Variants in LRP2 observed in about 807,000 individuals in gnomAD.
LRP2 encodes low-density lipoprotein receptor-related protein 2.
A neutral mutation model predicts 531.0 loss-of-function variants in LRP2; 172 were observed. The ratio of observed to expected loss-of-function variants is 0.32; its 90% CI spans 0.29 to 0.37. LRP2 has a LOEUF of 0.37. LRP2 is among the 10% of genes least tolerant of loss of function. The probability of loss-of-function intolerance (pLI) is 1.00; values close to 1 mark genes in which losing one functional copy is unlikely to be tolerated. For synonymous variants in LRP2, 1,992 were observed against 2,027.6 expected, an observed-to-expected ratio of 0.98 and a Z score of 0.47; for missense variants, 5,167 against 5,868.3, an observed-to-expected ratio of 0.88 and a Z score of 3.90.
rs764997073 is a variant in LRP2 at position 169,241,064 on chromosome 2, G to A, written c.3969C>T (p.Asn1323=). ...ACACTACACTCAGATTCACACAGAT[G>A]TTATGGCCAAGACACTGCCATTGCC... ...PSWQWQCLGH[N]ICVNLSVVCD... Residue 1323 remains asparagine, a synonymous_variant, in exon 25 of 79, where the codon AAC becomes AAT. Transcript: ENST00000649046. 6.8e-6 allele frequency: 11 copies of A among 1,614,160 alleles called. No homozygotes were observed. Among genetic ancestry groups the A allele is most frequent in the Middle Eastern group, 1.6e-4 (1 of 6,062 alleles).
At chr2:169,343,723 G>T (rs1685624844) in intron 1 of LRP2, among the ~76,000 whole-genome samples, 1 of 152,164 alleles carries the variant, frequency 6.6e-6, no homozygotes, top group South Asian at 2.1e-4. Flanking sequence ...TTGGCCACAG[G>T]TTAACTATGT....
intron 67 of LRP2, among the ~76,000 whole-genome samples, chr2:169,151,755 G>C (rs1328789178): frequency 6.6e-6 from 1 of 152,076 alleles, no homozygotes; most frequent in African/African-American, 2.4e-5. Context: ...GCCATTCCCT[G>C]GTTGGTTTTC....
chr2:169,205,959 T>C (rs1253608158), intron 40 of LRP2, 64 bp downstream of exon 40: 67 of 1,599,022 alleles, frequency 4.2e-5, no homozygotes, highest in Non-Finnish European at 2.0e-5. Flanking sequence ...ATGAACATAA[T>C]TTCAGGCCCC....
At chr2:169,331,336 TCAAA>T (rs1458678288) in intron 1 of LRP2, among the ~76,000 whole-genome samples, 1 of 152,164 alleles carries the variant, frequency 6.6e-6, no homozygotes, top group African/African-American at 2.4e-5. Context: ...ACTTAAGCGC[TCAAA>T]CATTCAAAAG....
At chr2:169,246,637 T>C in intron 21 of LRP2, 68 bp downstream of exon 21, 1 of 1,561,736 alleles carries the variant, frequency 6.4e-7, no homozygotes, top group South Asian at 1.1e-5. Context: ...AAGCTTTTAT[T>C]TATTTTCTTT....
chr2:169,228,912 T>C (rs2105365051), intron 31 of LRP2, among the ~76,000 whole-genome samples: 1 of 152,274 alleles, frequency 6.6e-6, no homozygotes, highest in East Asian at 1.9e-4. Context: ...TTCACAACAC[T>C]GCACACATTT....
chr2:169,185,128 T>C (rs1687588874), intron 50 of LRP2, among the ~76,000 whole-genome samples: 1 of 152,076 alleles, frequency 6.6e-6, no homozygotes, highest in South Asian at 2.1e-4. Flanking sequence ...CTTGTTCCCC[T>C]CAAAACCCCT....
chr2:169,319,316 C>T (rs1434644533), intron 2 of LRP2, among the ~76,000 whole-genome samples: 2 of 152,062 alleles, frequency 1.3e-5, no homozygotes. Context: ...TTATTATTTC[C>T]ATGATTTACT....
At chr2:169,341,921 GCCCTCAA>G (rs1161248767) in intron 1 of LRP2, among the ~76,000 whole-genome samples, 2 of 152,042 alleles carry the variant, frequency 1.3e-5, no homozygotes, top group African/African-American at 4.8e-5. Flanking sequence ...ACCAAGATGG[GCCCTCAA>G]CAAAAGAACT....
chr2:169,280,739 T>C (rs1683683219), intron 10 of LRP2, among the ~76,000 whole-genome samples: 1 of 152,166 alleles, frequency 6.6e-6, no homozygotes, highest in East Asian at 1.9e-4. Context: ...GTCCAAAATC[T>C]CAGTAAGTTA....
chr2:169,247,997 G>T (rs1306581324), intron 19 of LRP2, among the ~76,000 whole-genome samples: 1 of 152,140 alleles, frequency 6.6e-6, no homozygotes, highest in Admixed American at 6.5e-5. Flanking sequence ...CGCTTAAATT[G>T]TAATTTTTTT....
chr2:169,267,948 C>A (rs1559048399), intron 16 of LRP2, among the ~76,000 whole-genome samples: 1 of 152,144 alleles, frequency 6.6e-6, no homozygotes, highest in South Asian at 2.1e-4. Flanking sequence ...CAAAGAAATA[C>A]AAACTACCAT....
intron 1 of LRP2, among the ~76,000 whole-genome samples, chr2:169,351,699 C>CTT (rs1447024177): frequency 2.4e-4 from 36 of 152,130 alleles, no homozygotes; most frequent in Non-Finnish European, 1.5e-4. Flanking sequence ...GACTAGGAAG[C>CTT]AAGTCCTAAG....
chr2:169,211,696 A>G (rs1420048079), intron 37 of LRP2, among the ~76,000 whole-genome samples: 1 of 152,148 alleles, frequency 6.6e-6, no homozygotes, highest in African/African-American at 2.4e-5. Flanking sequence ...CTGGGAGCTT[A>G]TTAGGAGTGC....
chr2:169,321,480 A>G (rs1684907509), intron 1 of LRP2, among the ~76,000 whole-genome samples: 1 of 150,880 alleles, frequency 6.6e-6, no homozygotes, highest in East Asian at 1.9e-4. Flanking sequence ...AAAAAAGCGT[A>G]AAAAAGACCA....
chr2:169,213,692 G>C lies in LRP2; in HGVS notation c.6005C>G (p.Pro2002Arg). The C allele has an allele frequency of 6.2e-7, 1 of 1,613,394 alleles. No homozygotes were observed. Among genetic ancestry groups the C allele is most frequent in the East Asian group, 2.2e-5 (1 of 44,854 alleles). The stretch of plus-strand genomic sequence containing the variant: ...ATAAACTTGAAGACCCCTCAGATTT[G>C]GAACATTATCTCTCAAGACTATTTT... ...ANKIVLRDNVPNLRGLQVYHR... is the reference protein window; with the variant it reads ...ANKIVLRDNVRNLRGLQVYHR... The change falls in exon 36 of 79, where the codon CCA (proline) becomes CGA (arginine). Residue 2002 changes from proline to arginine, a missense_variant. Pro to Arg is a moderately radical substitution (Grantham distance 103). This residue lies in a region of LRP2 where 2,811 missense variants were observed against 3,058.0 expected (regional missense o/e 0.92). Coordinates refer to ENST00000649046, the MANE Select transcript of LRP2 (RefSeq NM_004525.3).
At position 169,152,358 on chromosome 2, in the gene LRP2, GA is replaced by G. The variant is rs754450697; in HGVS notation, c.12461+440del. On this transcript the variant is annotated intron_variant, in intron 67 of 78. Transcript: ENST00000649046. ...GTTCGTCCCCAAGATAACTACCATA[GA>G]AAAAAAGTTTCATCTCAACTGCTTT... Among the ~76,000 whole-genome samples the G allele has an allele frequency of 3.9e-5, 6 of 152,158 alleles. 1 individual carries two copies. Among genetic ancestry groups the G allele is most frequent in the Non-Finnish European group, 2.9e-5 (2 of 67,988 alleles).
chr2:169,294,851 C>T (rs1684095682), intron 4 of LRP2, 141 bp from the exon 5 acceptor site: 1 of 638,782 alleles, frequency 1.6e-6, no homozygotes, highest in Non-Finnish European at 2.8e-6. Context: ...GAAGTATGCT[C>T]CCTGGCTTCA....
Position 169,318,800 on chromosome 2 carries a change from T to C in LRP2, c.272A>G (p.Gln91Arg), listed in dbSNP as rs1179577930. ...IPNSWVCDQD[Q>R]DCDDGSDERQ... is the part of the protein sequence containing the mutation. ...TTCATCTGAGCCATCATCACAGTCT[T>C]GATCTTGGTCACACACCCAGGAGTT... Residue 91 changes from glutamine to arginine, a missense_variant, in exon 3 of 79, where the codon CAA becomes CGA. Physicochemically the swap from Gln to Arg is conservative, Grantham distance 43 (BLOSUM62 1). Around this residue, in one of 6 missense-constraint regions of LRP2, gnomAD observed 2,811 missense variants for 3,058.0 expected, o/e 0.92. Coordinates refer to ENST00000649046, the MANE Select transcript of LRP2 (RefSeq NM_004525.3). 1 of 1,614,048 alleles carries C rather than the reference T, an allele frequency of 6.2e-7. No homozygotes were observed. The highest frequency in any genetic ancestry group is 8.5e-7 in the Non-Finnish European group (1 of 1,180,014).
Sources: allele counts gnomAD v4.1 joint callset (sites outside exome capture counted in the v4.1 genomes callset), GRCh38; gene constraint gnomAD v4.1.1; regional missense constraint gnomAD v4.1.1; transcripts MANE v1.5; gene names NCBI Gene and HGNC (gene_info 2026-07-23, HGNC 2026-07-21).